Variants in CXADR observed in about 807,000 individuals in gnomAD.
The protein encoded by CXADR is CXADR cell adhesion molecule.
A neutral mutation model predicts 40.3 loss-of-function variants in CXADR; 20 were observed. That is an observed-to-expected ratio of 0.50 (90% CI 0.35 to 0.72). CXADR has a LOEUF of 0.72. Ranked by LOEUF, CXADR falls within the 30% of genes least tolerant of loss-of-function variation. The probability of loss-of-function intolerance (pLI) is 0.01; values close to 1 mark genes in which losing one functional copy is unlikely to be tolerated. For missense variants in CXADR, 332 were observed against 449.1 expected, an observed-to-expected ratio of 0.74 and a Z score of 2.36; for synonymous variants, 150 against 161.3, an observed-to-expected ratio of 0.93 and a Z score of 0.53.
chr21:17,592,761 T>C (rs1335486659), intron 7 of CXADR, among the ~76,000 whole-genome samples: 2 of 151,858 alleles, frequency 1.3e-5, no homozygotes, highest in African/African-American at 4.8e-5. Context: ...AAAGAGTAGA[T>C]ATGGTTTAGA....
At chr21:17,604,401 C>A in the CXADR span, 4 of 188,036 alleles carry the variant, frequency 2.1e-5, no homozygotes, top group Non-Finnish European at 4.5e-5. Flanking sequence ...GCCAAGAATG[C>A]ACCATTGCGC....
intron 7 of CXADR, among the ~76,000 whole-genome samples, chr21:17,585,129 T>C (rs757167404): frequency 2.0e-4 from 31 of 152,162 alleles, no homozygotes; most frequent in Non-Finnish European, 1.8e-4. Context: ...ATTCATAAAG[T>C]TGGTAGTTCT....
Position 17,560,786 on chromosome 21 carries a change from G to T in CXADR, c.656G>T (p.Gly219Val). The part of the protein sequence containing the change: ...TYSCTVRNRV[G>V]SDQCLLRLNV... The stretch of plus-strand genomic sequence containing the variant: ...AGCTGTACAGTCAGAAACAGAGTGG[G>T]CTCTGATCAGTGCCTGTTGCGTCTA... The change falls in exon 5 of 7, where the codon GGC becomes GTC. Residue 219 changes from glycine to valine, a missense_variant. Gly to Val is a moderately radical substitution (Grantham distance 109). Coordinates refer to ENST00000284878, the MANE Select transcript of CXADR (RefSeq NM_001338.5). 6.2e-7 allele frequency: 1 copy of T among 1,613,996 alleles called. No homozygotes were observed. Among genetic ancestry groups the T allele is most frequent in the Non-Finnish European group, 8.5e-7 (1 of 1,179,936 alleles).
At chr21:17,595,679 T>G (rs2061494936), downstream of CXADR, among the ~76,000 whole-genome samples, 1 of 151,840 alleles carries the variant, frequency 6.6e-6, no homozygotes, top group Non-Finnish European at 1.5e-5. Flanking sequence ...GTTTTCAGTC[T>G]CTTACTATTA....
exon 8 of CXADR, chr21:17,593,203 ACTGAAGAAT>A (rs1395707294): frequency 1.4e-6 from 2 of 1,445,274 alleles, no homozygotes; most frequent in South Asian, 3.1e-5. Flanking sequence ...AATATGGACT[ACTGAAGAAT>A]CTGAAGTATT....
At chr21:17,622,166 G>A in the CXADR span, among the ~76,000 whole-genome samples, 2 of 152,110 alleles carry the variant, frequency 1.3e-5, no homozygotes, top group African/African-American at 4.8e-5. Flanking sequence ...GATTCACACA[G>A]CAAGTCCTGA....
downstream of CXADR, among the ~76,000 whole-genome samples, chr21:17,570,347 AC>A (rs1282179370): frequency 6.6e-6 from 1 of 152,172 alleles, no homozygotes; most frequent in Non-Finnish European, 1.5e-5. Context: ...GAAACCTCCA[AC>A]GTTCTGTGAT....
At chr21:17,561,217 CTAAA>C (rs372351020) in intron 5 of CXADR, 117 bp from the exon 6 acceptor site, 211 of 589,554 alleles carry the variant, frequency 3.6e-4, no homozygotes, top group Middle Eastern at 3.4e-3. Context: ...ATCAAAAAGA[CTAAA>C]TAATTTGTCT....
the CXADR span, chr21:17,611,562 AAG>A: frequency 6.6e-6 from 1 of 152,228 alleles, no homozygotes; most frequent in Non-Finnish European, 1.5e-5. Context: ...CAAAAGGTGA[AAG>A]AGGGAGAGTT....
rs1049987904 is a variant in CXADR, at chr21:17,567,883, T to A, written c.*2191T>A. On this transcript the variant is annotated 3_prime_UTR_variant, in exon 7 of 7. Coordinates refer to ENST00000284878, the MANE Select transcript of CXADR (RefSeq NM_001338.5). ...CTTCCTTTTTTTTTTTAATAACATA[T>A]GAGGAACAAGACTTCTCTTCCCATA... 1.0e-6 allele frequency: 1 copy of A among 971,144 alleles called. No individual in the cohort carries two copies. The highest frequency in any genetic ancestry group is 1.2e-6 in the Non-Finnish European group (1 of 817,716). 60.2% of individuals were successfully genotyped at this position (971,144 alleles called of 1,614,324 possible).
Position 17,569,985 on chromosome 21 carries a change from CTT to C in CXADR, c.*4294_*4295del. 4.1e-6 allele frequency: 4 copies of C among 985,320 alleles called. No homozygotes were observed. Among genetic ancestry groups the C allele is most frequent in the Non-Finnish European group, 4.8e-6 (4 of 829,892 alleles). The allele number at this position is 985,320 out of a possible 1,614,324, so 61.0% of individuals were successfully genotyped here. On this transcript the variant is annotated 3_prime_UTR_variant, in exon 7 of 7. Transcript: ENST00000284878. ...CAGATTTTGTATGTACGATTTCTGGCTTATATATCCAATGGTGCAGATTTTGA... is the reference window on the plus strand; with the variant it reads ...CAGATTTTGTATGTACGATTTCTGGCATATATCCAATGGTGCAGATTTTGA...
intron 1 of CXADR, among the ~76,000 whole-genome samples, chr21:17,530,190 G>A (rs1260044892): frequency 7.5e-6 from 1 of 133,662 alleles, no homozygotes; most frequent in Admixed American, 9.0e-5. Flanking sequence ...TCCAACTCTT[G>A]ACCTCAAGTG....
At chr21:17,532,361 T>A (rs1483255771) in intron 1 of CXADR, among the ~76,000 whole-genome samples, 1 of 152,196 alleles carries the variant, frequency 6.6e-6, no homozygotes, top group Non-Finnish European at 1.5e-5. Context: ...ACTCAATGTT[T>A]CCCATTTCAA....
the CXADR span, among the ~76,000 whole-genome samples, chr21:17,615,384 A>T: frequency 6.6e-6 from 1 of 152,188 alleles, no homozygotes; most frequent in African/African-American, 2.4e-5. Flanking sequence ...TGATGTAAAT[A>T]ATTACAGTAG....
chr21:17,594,234 A>C (rs1320702604), downstream of CXADR: 3 of 1,613,338 alleles, frequency 1.9e-6, no homozygotes, highest in African/African-American at 1.3e-5. Context: ...GAACAGGAGG[A>C]GGATAGTGAT....
chr21:17,520,548 G>A (rs1460314881), intron 1 of CXADR, among the ~76,000 whole-genome samples: 14 of 152,188 alleles, frequency 9.2e-5, no homozygotes, highest in Non-Finnish European at 2.9e-5. Flanking sequence ...TAACCCCACG[G>A]TACTAAGACA....
At chr21:17,593,937 T>A, downstream of CXADR, 1 of 980,324 alleles carries the variant, frequency 1.0e-6, no homozygotes, top group Non-Finnish European at 1.4e-6. Context: ...ATATATTTTT[T>A]AAGAAAGATT....
At chr21:17,518,906 T>C (rs1600940973) in intron 1 of CXADR, 2 of 1,584,524 alleles carry the variant, frequency 1.3e-6, no homozygotes, top group Admixed American at 1.7e-5. Flanking sequence ...GCCATGGCTG[T>C]TTTATGTACC....
the CXADR span, chr21:17,604,769 T>C: frequency 7.0e-7 from 1 of 1,432,422 alleles, no homozygotes; most frequent in Non-Finnish European, 9.3e-7. Flanking sequence ...CTCCTGGCCA[T>C]AAAGATACAC....
Sources: allele counts gnomAD v4.1 joint callset (sites outside exome capture counted in the v4.1 genomes callset), GRCh38; gene constraint gnomAD v4.1.1; transcripts MANE v1.5; gene names NCBI Gene and HGNC (gene_info 2026-07-23, HGNC 2026-07-21).